The following PTPN12 variants were observed in gnomAD, a reference collection of about 807,000 sequenced individuals.
The protein encoded by PTPN12 is protein tyrosine phosphatase non-receptor type 12.
In PTPN12, 29 loss-of-function variants were observed where a neutral mutation model predicts 97.6. That is an observed-to-expected ratio of 0.30 (90% confidence interval 0.22 to 0.41). The LOEUF is 0.41. Among genes scored for constraint, PTPN12 ranks in the 10% least tolerant of loss-of-function variants. The probability of loss-of-function intolerance (pLI) is 1.00; values close to 1 mark genes in which losing one functional copy is unlikely to be tolerated. For missense variants in PTPN12, 819 were observed against 926.0 expected, an observed-to-expected ratio of 0.88 and a Z score of 1.50; for synonymous variants, 327 against 300.4, an observed-to-expected ratio of 1.09 and a Z score of -0.91.
chr7:77,602,096 G>A (rs1788204895), intron 8 of PTPN12, among the ~76,000 whole-genome samples: 1 of 151,778 alleles, frequency 6.6e-6, no homozygotes, highest in South Asian at 2.1e-4. Context: ...GTTTGGATGT[G>A]TTAAGAAATC....
intron 3 of PTPN12, among the ~76,000 whole-genome samples, chr7:77,582,386 A>T (rs7780424): frequency 0.7 from 106,888 of 151,996 alleles, 38,431 homozygotes; most frequent in East Asian, 0.9. Context: ...CTAATCTGTG[A>T]TTTTTAATCT....
intron 1 of PTPN12, among the ~76,000 whole-genome samples, chr7:77,543,251 G>A (rs1237623284): frequency 8.1e-6 from 1 of 123,126 alleles, no homozygotes; most frequent in Non-Finnish European, 1.6e-5. Flanking sequence ...TGAAGGGTGG[G>A]TTTAGTGTCT....
chr7:77,581,507 T>TGTAA lies in PTPN12; in HGVS notation c.285+7_285+8insAGTA. 1.3e-6 allele frequency: 2 copies of TGTAA among 1,519,470 alleles called. No homozygotes were observed. Among genetic ancestry groups the TGTAA allele is most frequent in the Non-Finnish European group, 1.8e-6 (2 of 1,107,700 alleles). 94.1% of individuals were successfully genotyped at this position (1,519,470 alleles called of 1,614,324 possible). A position where few individuals can be genotyped will look rare whatever the true frequency, so the allele number is the denominator to read the frequency against. ...TATCAATGCAAATTTTATAAAGGTATGTACTAACTTTAAATGGTGTTTCTC... is the reference window on the plus strand; with the variant it reads ...TATCAATGCAAATTTTATAAAGGTATGTAAGTACTAACTTTAAATGGTGTTTCTC... On this transcript the variant is annotated splice_donor_region_variant and intron_variant, in intron 3 of 17. Transcript: ENST00000248594.
chr7:77,585,165 G>A (rs117317796), intron 4 of PTPN12: 2,792 of 152,562 alleles, frequency 0.018, 34 homozygotes, highest in Middle Eastern at 0.075. Flanking sequence ...GGTGTTAAAC[G>A]CATTCAATAT....
chr7:77,593,211 G>T (rs1417574008), intron 6 of PTPN12, among the ~76,000 whole-genome samples: 4 of 151,516 alleles, frequency 2.6e-5, no homozygotes, highest in Non-Finnish European at 4.4e-5. Context: ...GGAGGTTGCA[G>T]TGAGCTGAAA....
chr7:77,625,496 T>A (rs1379376165), intron 12 of PTPN12, among the ~76,000 whole-genome samples: 1 of 103,508 alleles, frequency 9.7e-6, no homozygotes, highest in African/African-American at 3.8e-5. Context: ...TCTCTCTCTC[T>A]CTCTCTCTCT....
intron 1 of PTPN12, among the ~76,000 whole-genome samples, chr7:77,540,195 T>G (rs117481325): frequency 6.6e-6 from 1 of 152,024 alleles, no homozygotes; most frequent in East Asian, 1.9e-4. Context: ...TGGGGATGAG[T>G]CAGGGATTCC....
rs185478022 is a variant in PTPN12 at position 77,639,622 on chromosome 7, G to C, written c.*342G>C. ...TATGCATTATTTTGTATATGTACAGGGCAAGTAGGTATATAATTTGATAAA... is the reference window on the plus strand; with the variant it reads ...TATGCATTATTTTGTATATGTACAGCGCAAGTAGGTATATAATTTGATAAA... On this transcript the variant is annotated 3_prime_UTR_variant, in exon 18 of 18. Coordinates refer to ENST00000248594, the MANE Select transcript of PTPN12 (RefSeq NM_002835.4). 1.0e-5 allele frequency: 2 copies of C among 197,666 alleles called. No individual in the cohort carries two copies. Among genetic ancestry groups the C allele is most frequent in the East Asian group, 2.3e-4 (2 of 8,690 alleles). The allele number at this position is 197,666 out of a possible 1,614,324, so 12.2% of individuals were successfully genotyped here.
chr7:77,626,323 A>G (rs907607079), intron 12 of PTPN12, among the ~76,000 whole-genome samples: 1 of 152,228 alleles, frequency 6.6e-6, no homozygotes, highest in East Asian at 1.9e-4. Flanking sequence ...TTGGAAAGAT[A>G]GAGAAGGACA....
At chr7:77,617,629 A>T (rs1788796726) in intron 11 of PTPN12, among the ~76,000 whole-genome samples, 1 of 152,184 alleles carries the variant, frequency 6.6e-6, no homozygotes, top group African/African-American at 2.4e-5. Flanking sequence ...CTGTTGTCTA[A>T]AATTATCTGA....
At chr7:77,610,350 C>T (rs1788529208) in intron 9 of PTPN12, among the ~76,000 whole-genome samples, 1 of 152,184 alleles carries the variant, frequency 6.6e-6, no homozygotes, top group Admixed American at 6.5e-5. Flanking sequence ...GTACCTTCTC[C>T]TTCTTTTAGT....
At chr7:77,550,780 G>A (rs544572276) in intron 1 of PTPN12, among the ~76,000 whole-genome samples, 3 of 152,264 alleles carry the variant, frequency 2.0e-5, no homozygotes, top group Non-Finnish European at 4.4e-5. Context: ...TGACTTTCTC[G>A]AAACACTCTC....
intron 12 of PTPN12, among the ~76,000 whole-genome samples, chr7:77,622,391 A>G (rs1788970742): frequency 6.6e-6 from 1 of 152,234 alleles, no homozygotes; most frequent in Admixed American, 6.5e-5. Flanking sequence ...GGAAAAAAGA[A>G]ACAACAGTCC....
chr7:77,616,931 C>T (rs866220757), intron 11 of PTPN12, among the ~76,000 whole-genome samples: 5 of 152,048 alleles, frequency 3.3e-5, no homozygotes, highest in East Asian at 1.9e-4. Context: ...TACAGACGTG[C>T]ACCACCACGC....
chr7:77,542,581 G>T (rs758862180), intron 1 of PTPN12, among the ~76,000 whole-genome samples: 2 of 152,130 alleles, frequency 1.3e-5, no homozygotes, highest in Non-Finnish European at 2.9e-5. Context: ...TAAGAATTAA[G>T]AAAGGAGTCT....
intron 2 of PTPN12, among the ~76,000 whole-genome samples, chr7:77,579,246 C>T (rs1203097543): frequency 1.3e-5 from 2 of 152,078 alleles, no homozygotes; most frequent in South Asian, 2.1e-4. Context: ...CTCAGCCTCC[C>T]GAGTAGCTGA....
At chr7:77,611,302 C>T (rs368287837) in intron 11 of PTPN12, among the ~76,000 whole-genome samples, 8 of 152,096 alleles carry the variant, frequency 5.3e-5, no homozygotes, top group South Asian at 4.1e-4. Flanking sequence ...TCATATAATT[C>T]GTTAATGTTT....
intron 1 of PTPN12, among the ~76,000 whole-genome samples, chr7:77,553,674 A>G (rs1429057951): frequency 6.6e-6 from 1 of 152,118 alleles, no homozygotes; most frequent in African/African-American, 2.4e-5. Flanking sequence ...GTGTGTTTGT[A>G]TATTTAAAGT....
At chr7:77,539,941 A>G (rs1294629288) in intron 1 of PTPN12, among the ~76,000 whole-genome samples, 1 of 152,158 alleles carries the variant, frequency 6.6e-6, no homozygotes, top group Non-Finnish European at 1.5e-5. Context: ...GGCCTCCCAA[A>G]GTGCTGGGAT....
Sources: allele counts gnomAD v4.1 joint callset (sites outside exome capture counted in the v4.1 genomes callset), GRCh38; gene constraint gnomAD v4.1.1; transcripts MANE v1.5; gene names NCBI Gene and HGNC (gene_info 2026-07-23, HGNC 2026-07-21).